Variants in CCDC88C observed in about 807,000 individuals in gnomAD.
CCDC88C encodes the protein coiled-coil and HOOK domain protein 88C.
Under a neutral mutation model 198.8 loss-of-function variants are expected in CCDC88C, and 131 were observed. That is an observed-to-expected ratio of 0.66 (90% CI 0.57 to 0.76). The LOEUF (loss-of-function observed/expected upper bound fraction) is 0.76, where lower values mean the gene tolerates loss of function less well. Ranked by LOEUF, CCDC88C falls within the 30% of genes least tolerant of loss-of-function variation. The pLI, the probability that CCDC88C is intolerant of heterozygous loss-of-function variation, is 0.00. For missense variants in CCDC88C, 2,553 were observed against 2,631.6 expected, an observed-to-expected ratio of 0.97 and a Z score of 0.65; for synonymous variants, 1,166 against 1,114.7, an observed-to-expected ratio of 1.05 and a Z score of -0.92.
At chr14:91,347,107 T>C (rs1317314155) in intron 4 of CCDC88C, among the ~76,000 whole-genome samples, 1 of 152,118 alleles carries the variant, frequency 6.6e-6, no homozygotes, top group Non-Finnish European at 1.5e-5. Context: ...CTTGTCTTCC[T>C]ACAATGAGAC....
chr14:91,321,054 C>A (rs570688045), intron 13 of CCDC88C, 66 bp downstream of exon 13: 63 of 1,445,284 alleles, frequency 4.4e-5, no homozygotes, highest in Middle Eastern at 2.5e-4. Flanking sequence ...CAGACAATCA[C>A]TGGGGAGGAT....
chr14:91,393,715 A>G (rs943841785), intron 3 of CCDC88C, among the ~76,000 whole-genome samples: 5 of 152,214 alleles, frequency 3.3e-5, no homozygotes, highest in Admixed American at 3.3e-4. Context: ...TTAGCCGGGC[A>G]TGGTGGCCCA....
At chr14:91,405,275 G>C (rs888143185) in intron 3 of CCDC88C, among the ~76,000 whole-genome samples, 2 of 152,162 alleles carry the variant, frequency 1.3e-5, no homozygotes, top group African/African-American at 4.8e-5. Context: ...GGGACAGTTA[G>C]GGGCACAGAG....
intron 25 of CCDC88C, among the ~76,000 whole-genome samples, chr14:91,283,912 A>G (rs1222283137): frequency 6.6e-6 from 1 of 152,242 alleles, no homozygotes; most frequent in Non-Finnish European, 1.5e-5. Context: ...CCAAGCCTGT[A>G]GCTGAGGATC....
chr14:91,378,183 T>C (rs1476706798), intron 3 of CCDC88C, among the ~76,000 whole-genome samples: 1 of 152,066 alleles, frequency 6.6e-6, no homozygotes, highest in African/African-American at 2.4e-5. Context: ...GAAACAGTAG[T>C]TGAGGAAGTG....
chr14:91,366,560 A>G (rs1377043060), intron 3 of CCDC88C, among the ~76,000 whole-genome samples: 1 of 152,124 alleles, frequency 6.6e-6, no homozygotes, highest in African/African-American at 2.4e-5. Context: ...CCATATATCT[A>G]TAGCCACTCT....
chr14:91,343,564 T>G, intron 5 of CCDC88C, 35 bp downstream of exon 5: 1 of 1,612,650 alleles, frequency 6.2e-7, no homozygotes, highest in Non-Finnish European at 8.5e-7. Flanking sequence ...ATGGCTGGGG[T>G]AGGTCCCTCT....
In CCDC88C at chr14:91,283,360, G is replaced by A; in HGVS notation, c.4599C>T (p.Thr1533=). 1.9e-6 allele frequency: 3 copies of A among 1,613,818 alleles called. No homozygotes were observed. The highest frequency in any genetic ancestry group is 1.1e-5 in the South Asian group (1 of 91,040). The change falls in exon 26 of 30, where the codon ACC becomes ACT. Residue 1533 remains threonine, a synonymous_variant. Coordinates refer to ENST00000389857, the MANE Select transcript of CCDC88C (RefSeq NM_001080414.4). ...TGCGGCCTGGGTGCCGGGCGATGGG[G>A]GTGGAGTTGGAAGGGGCTGTAGTGG... ...SATTTAPSNS[T]PIARHPGRTK...
intron 3 of CCDC88C, among the ~76,000 whole-genome samples, chr14:91,370,440 C>G (rs1177891536): frequency 6.6e-6 from 1 of 152,218 alleles, no homozygotes; most frequent in African/African-American, 2.4e-5. Context: ...GCTCCTGCCA[C>G]CTTCCCTTTA....
At chr14:91,341,034 A>G (rs1444203769) in intron 6 of CCDC88C, among the ~76,000 whole-genome samples, 1 of 148,530 alleles carries the variant, frequency 6.7e-6, no homozygotes, top group African/African-American at 2.5e-5. Flanking sequence ...AGACAAACCC[A>G]TAAAATAAAA....
At chr14:91,377,934 C>A (rs1338907860) in intron 3 of CCDC88C, among the ~76,000 whole-genome samples, 1 of 152,228 alleles carries the variant, frequency 6.6e-6, no homozygotes, top group East Asian at 1.9e-4. Flanking sequence ...CGACGCTGCT[C>A]CATACATGCC....
chr14:91,380,576 A>G (rs1182342063), intron 3 of CCDC88C, among the ~76,000 whole-genome samples: 1 of 152,210 alleles, frequency 6.6e-6, no homozygotes, highest in East Asian at 1.9e-4. Flanking sequence ...CTGTAAAGGG[A>G]AAGAATTTTA....
chr14:91,362,968 A>G (rs1284268796), intron 3 of CCDC88C, among the ~76,000 whole-genome samples: 1 of 152,026 alleles, frequency 6.6e-6, no homozygotes, highest in Admixed American at 6.6e-5. Context: ...TTAGGAACAG[A>G]CAATATCTTT....
chr14:91,283,630 A>C, intron 25 of CCDC88C, 113 bp from the exon 26 acceptor site: 7 of 1,007,202 alleles, frequency 6.9e-6, no homozygotes, highest in East Asian at 2.6e-5. Flanking sequence ...ACAGAGACAA[A>C]AGCGGGGCTG....
Position 91,339,461 on chromosome 14 carries a change from A to G in CCDC88C, c.626T>C (p.Leu209Pro). Residue 209 changes from leucine (L) to proline (P), a missense_variant and splice_region_variant, in exon 8 of 30, where the codon CTG becomes CCG. Around this residue, in one of 2 missense-constraint regions of CCDC88C, gnomAD observed 1,260 missense variants for 1,412.0 expected, o/e 0.89. Transcript: ENST00000389857. The surrounding 1 kb of genome is among the most constrained non-coding windows in gnomAD (Gnocchi z 5.8). ...CCGTTCCTGAGTGAGGTCCACGATC[A>G]GCTGCAGCCGGGCAGAGAGGGGGAT... ...LIDQRDECTELIVDLTQERDY... is the reference protein window; with the variant it reads ...LIDQRDECTEPIVDLTQERDY... The G allele has an allele frequency of 6.2e-7, 1 of 1,602,510 alleles. No homozygotes were observed. Among genetic ancestry groups the G allele is most frequent in the Non-Finnish European group, 8.5e-7 (1 of 1,170,882 alleles).
intron 13 of CCDC88C, among the ~76,000 whole-genome samples, chr14:91,317,951 C>T (rs1337281037): frequency 1.3e-5 from 2 of 152,202 alleles, no homozygotes; most frequent in Non-Finnish European, 2.9e-5. Context: ...AGAAGGGGCC[C>T]CAAAATATCA....
At position 91,309,950 on chromosome 14, in the gene CCDC88C, T is replaced by C. The variant is rs1297414270; in HGVS notation, c.2773A>G (p.Ser925Gly). The change falls in exon 16 of 30, where the codon AGC becomes GGC. Residue 925 changes from serine (S) to glycine (G), a missense_variant. Ser to Gly is a moderately conservative substitution (Grantham distance 56, BLOSUM62 0). Transcript: ENST00000389857. ...VLEKLKSQQL[S>G]SELDKLSQEL... ...TGGCTCAGCTTGTCCAGCTCACTGC[T>C]GAGCTGCTGGCTCTTCAGCTTCTCG... The C allele has an allele frequency of 2.5e-6, 4 of 1,604,216 alleles. No individual in the cohort carries two copies. The highest frequency in any genetic ancestry group is 3.4e-6 in the Non-Finnish European group (4 of 1,175,464).
chr14:91,347,249 T>C (rs183443898), intron 4 of CCDC88C, among the ~76,000 whole-genome samples: 103 of 152,350 alleles, frequency 6.8e-4, no homozygotes, highest in African/African-American at 2.4e-3. Context: ...ATGTACTCTA[T>C]TCGCAGCAAA....
In CCDC88C at chr14:91,343,581, G is replaced by T. The variant is rs1217807928; in HGVS notation, c.399+18C>A. The T allele has an allele frequency of 6.2e-7, 1 of 1,613,442 alleles. No homozygotes were observed. The highest frequency in any genetic ancestry group is 8.5e-7 in the Non-Finnish European group (1 of 1,179,842). On this transcript the variant is annotated intron_variant, in intron 5 of 29. Transcript: ENST00000389857. Reference sequence around the variant, plus strand: ...GGCTGGGGTAGGTCCCTCTGCTGCAGCCCTGCCCAATCCCTACCTGGACAG... The same window carrying T: ...GGCTGGGGTAGGTCCCTCTGCTGCATCCCTGCCCAATCCCTACCTGGACAG...
Sources: allele counts gnomAD v4.1 joint callset (sites outside exome capture counted in the v4.1 genomes callset), GRCh38; gene constraint gnomAD v4.1.1; regional missense constraint gnomAD v4.1.1; non-coding constraint Gnocchi (gnomAD v3.1); transcripts MANE v1.5; gene names NCBI Gene and HGNC (gene_info 2026-07-23, HGNC 2026-07-21).